GREB1: variants seen among roughly 807,000 people sequenced by gnomAD.
GREB1 encodes growth regulating estrogen receptor binding 1, also known as protein GREB1.
A neutral mutation model predicts 200.7 loss-of-function variants in GREB1; 106 were observed. That is an observed-to-expected ratio of 0.53 (90% CI 0.45 to 0.62). The LOEUF (loss-of-function observed/expected upper bound fraction) is 0.62. GREB1 is among the 20% of genes least tolerant of loss of function. The pLI is 0.00. For synonymous variants in GREB1, 1,132 were observed against 1,092.4 expected (o/e 1.04, Z -0.72); for missense variants, 2,243 against 2,556.8 (o/e 0.88, Z 2.65).
chr2:11,615,516 G>A (rs746316212), intron 20 of GREB1, among the ~76,000 whole-genome samples: 11 of 152,174 alleles, frequency 7.2e-5, no homozygotes, highest in Non-Finnish European at 1.5e-4. Context: ...ATCTCTTTTG[G>A]TGGTGTGAGA....
intron 1 of GREB1, among the ~76,000 whole-genome samples, chr2:11,512,754 C>G (rs1673387163): frequency 1.3e-5 from 2 of 152,204 alleles, no homozygotes; most frequent in African/African-American, 4.8e-5. Flanking sequence ...TTGGAAGGCT[C>G]ACTGTGCCCA....
chr2:11,516,714 C>T (rs575122491), intron 1 of GREB1, among the ~76,000 whole-genome samples: 1 of 152,308 alleles, frequency 6.6e-6, no homozygotes, highest in Admixed American at 6.5e-5. Flanking sequence ...TGACTCCCTG[C>T]AGGATAGACC....
At chr2:11,616,175 C>T (rs528892227) in intron 20 of GREB1, among the ~76,000 whole-genome samples, 12 of 152,386 alleles carry the variant, frequency 7.9e-5, no homozygotes, top group East Asian at 5.8e-4. Context: ...CACTGGCCCA[C>T]GTTAAACTTG....
intron 1 of GREB1, among the ~76,000 whole-genome samples, chr2:11,545,358 C>T (rs994393662): frequency 2.0e-5 from 3 of 152,090 alleles, no homozygotes; most frequent in Admixed American, 2.0e-4. Flanking sequence ...TCTCGAATCT[C>T]CTGACTCAGG....
intron 30 of GREB1, among the ~76,000 whole-genome samples, chr2:11,637,355 T>C (rs1167424464): frequency 7.6e-6 from 1 of 132,400 alleles, no homozygotes; most frequent in Non-Finnish European, 1.6e-5. Context: ...GCCCCGGGGC[T>C]GGGCGGGATG....
At chr2:11,512,333 A>G (rs6741736) in intron 1 of GREB1, among the ~76,000 whole-genome samples, 142,771 of 152,260 alleles carry the variant, frequency 0.94, 67,592 homozygotes, top group South Asian at 1. Flanking sequence ...AATTCTTATG[A>G]GGCTGAAGTA....
At chr2:11,607,340 C>T (rs922341499) in intron 17 of GREB1, among the ~76,000 whole-genome samples, 2 of 151,610 alleles carry the variant, frequency 1.3e-5, no homozygotes, top group African/African-American at 4.9e-5. Context: ...AGTGCTGGAA[C>T]ATTTTAGTTT....
intron 7 of GREB1, chr2:11,581,081 C>T (rs945146782): frequency 2.8e-5 from 18 of 647,962 alleles, no homozygotes; most frequent in African/African-American, 1.4e-4. Context: ...GTGGTAATGG[C>T]GAGTGACCTG....
intron 4 of GREB1, among the ~76,000 whole-genome samples, chr2:11,571,806 G>A (rs1202825187): frequency 6.6e-6 from 1 of 152,110 alleles, no homozygotes; most frequent in Non-Finnish European, 1.5e-5. Context: ...CACCTCCTGG[G>A]TTCACGCCAT....
At chr2:11,582,063 G>A (rs115303839) in intron 7 of GREB1, among the ~76,000 whole-genome samples, 1 of 80,444 alleles carries the variant, frequency 1.2e-5, no homozygotes, top group South Asian at 5.0e-4. Context: ...CTTCTCTGCC[G>A]GTGCTGCATT....
intron 1 of GREB1, among the ~76,000 whole-genome samples, chr2:11,497,305 A>G (rs1053886198): frequency 6.6e-6 from 1 of 152,144 alleles, no homozygotes; most frequent in African/African-American, 2.4e-5. Context: ...TCAGTGGTTC[A>G]TTCCTTTTTA....
chr2:11,599,238 G>C (rs1294788807), intron 15 of GREB1, among the ~76,000 whole-genome samples: 1 of 152,160 alleles, frequency 6.6e-6, no homozygotes, highest in Non-Finnish European at 1.5e-5. Flanking sequence ...GTGGGGTGCG[G>C]AGGGTCCTAG....
At chr2:11,509,681 C>T (rs1250576788) in intron 1 of GREB1, among the ~76,000 whole-genome samples, 3 of 152,116 alleles carry the variant, frequency 2.0e-5, no homozygotes, top group Non-Finnish European at 2.9e-5. Context: ...GCTCTGCCTT[C>T]ATGAATGGGA....
chr2:11,484,725 G>C lies in GREB1; in HGVS notation c.-159+2344G>C, dbSNP rs1446532055. On this transcript the variant is annotated intron_variant, in intron 1 of 2. Coordinates refer to the GREB1 transcript ENST00000628795. Reference sequence around the variant, plus strand: ...TTGAGCCCACGAGTTCGAGGCTGCAGTGAGTTATGATCGTGCCACTGCACT... The same window carrying C: ...TTGAGCCCACGAGTTCGAGGCTGCACTGAGTTATGATCGTGCCACTGCACT... Among the ~76,000 whole-genome samples, 4 of 152,376 alleles carry C rather than the reference G, an allele frequency of 2.6e-5. No individual in the cohort carries two copies. In the East Asian group the frequency reaches 7.7e-4, roughly 29 times the overall value.
At chr2:11,516,769 A>G (rs2148462193) in intron 1 of GREB1, among the ~76,000 whole-genome samples, 1 of 152,320 alleles carries the variant, frequency 6.6e-6, no homozygotes, top group Non-Finnish European at 1.5e-5. Flanking sequence ...CAAGTTACCT[A>G]GGAAGCTGCC....
At chr2:11,555,006 T>C (rs2147860286) in intron 1 of GREB1, among the ~76,000 whole-genome samples, 1 of 152,262 alleles carries the variant, frequency 6.6e-6, no homozygotes, top group East Asian at 1.9e-4. Context: ...ATAAACTGTC[T>C]AGAAAGAAAT....
rs563211969 is a variant in GREB1, at chr2:11,612,822, G to A, written c.3122+212G>A. Among the ~76,000 whole-genome samples, 6 of 152,356 alleles carry A rather than the reference G, an allele frequency of 3.9e-5. No individual in the cohort carries two copies. In the South Asian group the frequency reaches 6.2e-4, roughly 16 times the overall value. ...CCCTTCTCCTGATTCTCAGAAAGGC[G>A]CTGTTTGGGCTCGTGGTGACGGCTG... On this transcript the variant is annotated intron_variant, in intron 19 of 32. Coordinates refer to ENST00000381486, the MANE Select transcript of GREB1 (RefSeq NM_014668.4).
Position 11,618,916 on chromosome 2 carries a change from T to A in GREB1, c.4041T>A (p.Pro1347=). 1.3e-6 allele frequency: 2 copies of A among 1,512,414 alleles called. No homozygotes were observed. The highest frequency in any genetic ancestry group is 1.8e-6 in the Non-Finnish European group (2 of 1,133,926). The allele number at this position is 1,512,414 out of a possible 1,614,324, so 93.7% of individuals were successfully genotyped here. Residue 1347 remains proline (P), a synonymous_variant, in exon 22 of 33, where the codon CCT becomes CCA. Transcript: ENST00000381486. ...GCAGGCTGCTGCTCAGCGGCCCCCCTCAGGTGAGTGTTGCTCGCTGCCCCA... is the reference window on the plus strand; with the variant it reads ...GCAGGCTGCTGCTCAGCGGCCCCCCACAGGTGAGTGTTGCTCGCTGCCCCA... The part of the protein sequence containing the change: ...HPRRLLLSGP[P]QIGKTGAYLQ...
intron 32 of GREB1, among the ~76,000 whole-genome samples, chr2:11,639,017 G>A (rs987758322): frequency 9.2e-5 from 14 of 152,312 alleles, no homozygotes; most frequent in African/African-American, 3.4e-4. Context: ...ACCTGTTTGG[G>A]TAGAGGCAAG....
Sources: allele counts gnomAD v4.1 joint callset (sites outside exome capture counted in the v4.1 genomes callset), GRCh38; gene constraint gnomAD v4.1.1; transcripts MANE v1.5; gene names NCBI Gene and HGNC (gene_info 2026-07-23, HGNC 2026-07-21).